Variants in CCDC186 observed in about 807,000 individuals in gnomAD.
CCDC186 encodes the protein coiled-coil domain-containing protein 186.
In CCDC186, 49 loss-of-function variants were observed where a neutral mutation model predicts 113.7. The ratio of observed to expected loss-of-function variants is 0.43; its 90% CI spans 0.34 to 0.55. The LOEUF is 0.55. Among genes scored for constraint, CCDC186 ranks in the 20% least tolerant of loss-of-function variants. The pLI is 0.02. For synonymous variants in CCDC186, 355 were observed against 345.8 expected (o/e 1.03, Z -0.30); for missense variants, 890 against 1,011.1 (o/e 0.88, Z 1.62).
chr10:114,157,807 A>T, intron 2 of CCDC186, 127 bp from the exon 3 acceptor site: 1 of 714,302 alleles, frequency 1.4e-6, no homozygotes. Context: ...TAATAAATTA[A>T]CATTCCTAAA....
intron 4 of CCDC186, among the ~76,000 whole-genome samples, chr10:114,146,456 C>T (rs2119778320): frequency 6.6e-6 from 1 of 152,296 alleles, no homozygotes; most frequent in East Asian, 1.9e-4. Context: ...TCTTAACTCC[C>T]TTTCGAAAAT....
chr10:114,171,767 A>G (rs547903642), intron 1 of CCDC186, among the ~76,000 whole-genome samples: 10 of 152,358 alleles, frequency 6.6e-5, no homozygotes, highest in African/African-American at 2.4e-4. Context: ...CATAGTCTAC[A>G]TAATCCCACA....
chr10:114,170,264 A>G (rs1357802565), intron 1 of CCDC186, among the ~76,000 whole-genome samples: 1 of 152,220 alleles, frequency 6.6e-6, no homozygotes, highest in Non-Finnish European at 1.5e-5. Flanking sequence ...AATAAGTTCT[A>G]CAAAAAGAAA....
chr10:114,174,095 T>C lies in CCDC186; in HGVS notation c.-142A>G, dbSNP rs1388806367. The C allele has an allele frequency of 2.1e-6, 1 of 472,058 alleles. No homozygotes were observed. Among genetic ancestry groups the C allele is most frequent in the Admixed American group, 2.3e-5 (1 of 42,588 alleles). 29.2% of individuals were successfully genotyped at this position (472,058 alleles called of 1,614,324 possible). ...AGGGGCCAACTTTTCCATAGCGGGG[T>C]CCAACCAGCCAAGAGTGGGAGGAAA... On this transcript the variant is annotated 5_prime_UTR_variant, in exon 1 of 16. Coordinates refer to ENST00000369287, the MANE Select transcript of CCDC186 (RefSeq NM_018017.4).
intron 14 of CCDC186, among the ~76,000 whole-genome samples, 190 bp downstream of exon 14, chr10:114,127,271 C>T (rs531083482): frequency 2.6e-5 from 4 of 152,136 alleles, no homozygotes; most frequent in Non-Finnish European, 5.9e-5. Flanking sequence ...AAAGGAAAGA[C>T]GTGTTTTATT....
chr10:114,173,947 G>T, intron 1 of CCDC186, 68 bp downstream of exon 1: 1 of 455,872 alleles, frequency 2.2e-6, no homozygotes, highest in Non-Finnish European at 4.5e-6. Context: ...AGGAGCGGAA[G>T]GCTGGCAGCC....
In CCDC186 at chr10:114,127,516, CTA is replaced by C. The variant is rs1252570376; in HGVS notation, c.2336_2337del (p.Ile779ArgfsTer15). On this transcript the variant is annotated frameshift_variant, in exon 14 of 16. Coordinates refer to ENST00000369287, the MANE Select transcript of CCDC186 (RefSeq NM_018017.4). LOFTEE classifies it high-confidence loss of function. ...TGTTTGATGTGGTCCTCCATAAATT[CTA>C]TCTTTTCATTTTTCCGGGCATGTGC... ...QKAHARKNEKIEFMEDHIKQL... is the reference protein window; with the variant it reads ...QKAHARKNEKXEFMEDHIKQL... The C allele has an allele frequency of 6.2e-7, 1 of 1,613,822 alleles. No individual in the cohort carries two copies. The highest frequency in any genetic ancestry group is 8.5e-7 in the Non-Finnish European group (1 of 1,179,964).
chr10:114,139,541 C>T lies in CCDC186; in HGVS notation c.1222-2251G>A, dbSNP rs1438596552. Reference sequence around the variant, plus strand: ...TCGCACCACTGCACTCCAGCCTAGGCAACAGAGCAAGACTCCATCTCAAAA... The same window carrying T: ...TCGCACCACTGCACTCCAGCCTAGGTAACAGAGCAAGACTCCATCTCAAAA... On this transcript the variant is annotated intron_variant, in intron 6 of 15. Transcript: ENST00000369287. Among the ~76,000 whole-genome samples, 6 of 135,006 alleles carry T rather than the reference C, an allele frequency of 4.4e-5. No individual in the cohort carries two copies. The East Asian group carries it at 6.4e-4, about 15-fold the overall frequency. The allele number at this position is 135,006 out of a possible 152,430, so 88.6% of individuals were successfully genotyped here.
Position 114,170,447 on chromosome 10 carries a change from A to G in CCDC186, c.-62+3568T>C, listed in dbSNP as rs141344919. Among the ~76,000 whole-genome samples, 933 of 152,212 alleles carry G rather than the reference A, an allele frequency of 6.1e-3. 7 individuals are homozygous for G. The highest frequency in any genetic ancestry group is 0.021 in the African/African-American group (889 of 41,504). On this transcript the variant is annotated intron_variant, in intron 1 of 15. Coordinates refer to ENST00000369287, the MANE Select transcript of CCDC186 (RefSeq NM_018017.4). The stretch of plus-strand genomic sequence containing the variant: ...CTGATCCTCCCACCTCAGCCTCCTA[A>G]GAAGCTGGGACTACAGGTACATGCC...
In CCDC186 at chr10:114,151,208, T is replaced by C; in HGVS notation, c.772A>G (p.Ile258Val). 1 of 1,565,278 alleles carries C rather than the reference T, an allele frequency of 6.4e-7. No individual in the cohort carries two copies. The highest frequency in any genetic ancestry group is 8.8e-7 in the Non-Finnish European group (1 of 1,138,550). The change falls in exon 4 of 16, where the codon ATA becomes GTA. Residue 258 changes from isoleucine to valine, a missense_variant. Transcript: ENST00000369287. ...MNTIKQLESR[I>V]EELNKEVKAS... The stretch of plus-strand genomic sequence containing the variant: ...TTAACTTCTTTATTAAGTTCTTCTA[T>C]TCTTGATTCTAACTGTAAAGAAAAT...
chr10:114,148,408 A>T (rs2031713051), intron 4 of CCDC186, among the ~76,000 whole-genome samples: 1 of 152,228 alleles, frequency 6.6e-6, no homozygotes, highest in African/African-American at 2.4e-5. Flanking sequence ...AAGACAGGCC[A>T]ATTAAGGTCT....
chr10:114,165,954 G>A (rs1175454337), intron 1 of CCDC186: 2 of 983,818 alleles, frequency 2.0e-6, no homozygotes, highest in Non-Finnish European at 1.2e-6. Flanking sequence ...AGAAAACAAT[G>A]AGTTTGTGAC....
At chr10:114,165,844 T>C in intron 1 of CCDC186, 1 of 255,122 alleles carries the variant, frequency 3.9e-6, no homozygotes, top group Non-Finnish European at 4.5e-6. Context: ...CGAGACACTT[T>C]GTCTCAAAAA....
rs1043953626 is a variant in CCDC186 at position 114,120,901 on chromosome 10, T to A, written c.*4242A>T. Reference sequence around the variant, plus strand: ...TTACCTATTTAATAAGTACAATATATACATAGAATCCTCTTGAAAAGTTTC... The same window carrying A: ...TTACCTATTTAATAAGTACAATATAAACATAGAATCCTCTTGAAAAGTTTC... On this transcript the variant is annotated 3_prime_UTR_variant, in exon 16 of 16. Coordinates refer to ENST00000369287, the MANE Select transcript of CCDC186 (RefSeq NM_018017.4). The A allele has an allele frequency of 6.6e-6, 1 of 152,134 alleles. No individual in the cohort carries two copies. Among genetic ancestry groups the A allele is most frequent in the African/African-American group, 2.4e-5 (1 of 41,428 alleles). The allele number at this position is 152,134 out of a possible 1,614,324, so 9.4% of individuals were successfully genotyped here.
chr10:114,162,072 A>G (rs1046438360), intron 2 of CCDC186: 5 of 152,246 alleles, frequency 3.3e-5, no homozygotes, highest in African/African-American at 1.2e-4. Context: ...CAGATTTGCA[A>G]AGTGAAAAAG....
chr10:114,139,145 T>C (rs1472071784), intron 6 of CCDC186, among the ~76,000 whole-genome samples: 1 of 152,174 alleles, frequency 6.6e-6, no homozygotes, highest in Admixed American at 6.5e-5. Flanking sequence ...GAATATCTAA[T>C]ATAAGCCTCT....
chr10:114,166,801 T>G (rs953763180), intron 1 of CCDC186, among the ~76,000 whole-genome samples: 3 of 152,152 alleles, frequency 2.0e-5, no homozygotes, highest in African/African-American at 7.2e-5. Flanking sequence ...AACAAAAACG[T>G]GTCATCCTGC....
chr10:114,163,097 C>A lies in CCDC186; in HGVS notation c.172G>T (p.Glu58Ter). 1 of 1,614,020 alleles carries A rather than the reference C, an allele frequency of 6.2e-7. No individual in the cohort carries two copies. The highest frequency in any genetic ancestry group is 8.5e-7 in the Non-Finnish European group (1 of 1,179,968). ...NTDKTLCQPN[E>*]HNNRIEAQEN... ...TGGGCTTCAATTCGATTATTATGCT[C>A]ATTAGGTTGACATAAAGTTTTATCA... Residue 58 changes from glutamate (E) to a stop codon, truncating the protein, a stop_gained, in exon 2 of 16, where the codon GAG (glutamate) becomes TAG (stop). Transcript: ENST00000369287. LOFTEE classifies it high-confidence loss of function.
chr10:114,151,057 T>C, intron 4 of CCDC186, 35 bp downstream of exon 4: 1 of 1,604,456 alleles, frequency 6.2e-7, no homozygotes, highest in South Asian at 1.1e-5. Context: ...GTCACCAGAA[T>C]ATCAAGTTAA....
Sources: allele counts gnomAD v4.1 joint callset (sites outside exome capture counted in the v4.1 genomes callset), GRCh38; gene constraint gnomAD v4.1.1; transcripts MANE v1.5; gene names NCBI Gene and HGNC (gene_info 2026-07-23, HGNC 2026-07-21).